STAU1: variants seen among roughly 807,000 people sequenced by gnomAD.
STAU1 encodes the protein staufen double-stranded RNA binding protein 1.
A neutral mutation model predicts 62.9 loss-of-function variants in STAU1; 13 were observed. The observed-to-expected ratio is 0.21, with a 90% CI of 0.13 to 0.33. The LOEUF is 0.33. STAU1 is among the 10% of genes least tolerant of loss of function. STAU1 has a pLI of 1.00. For missense variants in STAU1, 571 were observed against 712.1 expected (o/e 0.80, Z 2.25); for synonymous variants, 269 against 265.1 (o/e 1.01, Z -0.14).
intron 5 of STAU1, among the ~76,000 whole-genome samples, chr20:49,149,251 AACACACACACACACAC>A (rs34854738): frequency 5.3e-5 from 7 of 132,030 alleles, no homozygotes; most frequent in Middle Eastern, 3.7e-3. Flanking sequence ...ACTGTCTCAA[AACACACACACACACAC>A]ACACACACAC....
At chr20:49,126,588 C>CAAAAAAAAAAACAAAAAAAAAACAA in intron 6 of STAU1, among the ~76,000 whole-genome samples, 113 of 56,246 alleles carry the variant, frequency 2.0e-3, no homozygotes, top group African/African-American at 5.2e-3. Flanking sequence ...AAAAAAAAAA[C>CAAAAAAAAAAACAAAAAAAAAACAA]AAAAAAAAAA....
Position 49,117,874 on chromosome 20 carries a change from A to G in STAU1, c.1412T>C (p.Ile471Thr). 6.2e-7 allele frequency: 1 copy of G among 1,614,172 alleles called. No homozygotes were observed. Among genetic ancestry groups the G allele is most frequent in the Non-Finnish European group, 8.5e-7 (1 of 1,180,032 alleles). ...GCCTGAAGAGATGTTATTCTTTAAA[A>G]TGGTCTCGGCTGTGGGCGAGGTGCC... ...YGGTSPTAET[I>T]LKNNISSGHV... is the part of the protein sequence containing the mutation. The change falls in exon 11 of 14, where the codon ATT becomes ACT. Residue 471 changes from isoleucine to threonine, a missense_variant. By Grantham distance (89) the Ile-to-Thr change is moderately conservative (BLOSUM62 -1). Around this residue, in one of 3 missense-constraint regions of STAU1, gnomAD observed 156 missense variants for 194.7 expected, o/e 0.80. Transcript: ENST00000371856. The surrounding 1 kb of genome is among the most constrained non-coding windows in gnomAD (Gnocchi z 4.6).
At chr20:49,186,716 C>T (rs980236278) in intron 1 of STAU1, among the ~76,000 whole-genome samples, 2 of 152,064 alleles carry the variant, frequency 1.3e-5, no homozygotes, top group Non-Finnish European at 2.9e-5. Context: ...CCTCTACACT[C>T]CAACTGTATT....
At chr20:49,197,638 G>A in the STAU1 span, among the ~76,000 whole-genome samples, 2 of 151,978 alleles carry the variant, frequency 1.3e-5, no homozygotes, top group South Asian at 2.1e-4. Flanking sequence ...CCGACCTCAC[G>A]TGATCCAACC....
At chr20:49,133,931 G>A (rs1001975090) in intron 6 of STAU1, among the ~76,000 whole-genome samples, 5 of 152,214 alleles carry the variant, frequency 3.3e-5, no homozygotes, top group Non-Finnish European at 7.3e-5. Flanking sequence ...GAGCACTGAA[G>A]CTGGGTTAAG....
chr20:49,171,987 T>C (rs537947765), intron 2 of STAU1, among the ~76,000 whole-genome samples: 2 of 150,222 alleles, frequency 1.3e-5, no homozygotes, highest in African/African-American at 2.4e-5. Flanking sequence ...AGATTAGCCC[T>C]GAGGAGGCAC....
chr20:49,118,700 T>C (rs1219524661), intron 9 of STAU1, among the ~76,000 whole-genome samples: 1 of 152,158 alleles, frequency 6.6e-6, no homozygotes, highest in Non-Finnish European at 1.5e-5. Flanking sequence ...ACGGGAAGCA[T>C]TTAACCAGAA....
chr20:49,155,042 C>T (rs1238499451), intron 3 of STAU1, among the ~76,000 whole-genome samples: 2 of 151,728 alleles, frequency 1.3e-5, no homozygotes, highest in African/African-American at 2.4e-5. Flanking sequence ...GTCGAGATTG[C>T]GTCACTGTAC....
chr20:49,136,137 A>C (rs2092877414), intron 5 of STAU1, among the ~76,000 whole-genome samples: 1 of 151,962 alleles, frequency 6.6e-6, no homozygotes, highest in Non-Finnish European at 1.5e-5. Context: ...AACAAAAACA[A>C]AAAAACAAAA....
the STAU1 span, among the ~76,000 whole-genome samples, chr20:49,206,746 TATA>T: frequency 5.5e-4 from 64 of 116,796 alleles, no homozygotes; most frequent in African/African-American, 2.0e-3. Context: ...TATATATATA[TATA>T]TATTTTATTT....
At chr20:49,145,740 A>AG (rs1317976334) in intron 5 of STAU1, among the ~76,000 whole-genome samples, 1 of 151,836 alleles carries the variant, frequency 6.6e-6, no homozygotes, top group Non-Finnish European at 1.5e-5. Flanking sequence ...AAAAAAAAAA[A>AG]GAAAAGAAAA....
At chr20:49,185,482 A>C (rs2093775810) in intron 1 of STAU1, among the ~76,000 whole-genome samples, 1 of 152,230 alleles carries the variant, frequency 6.6e-6, no homozygotes, top group South Asian at 2.1e-4. Context: ...AATCATGTAT[A>C]AACAGAGAAG....
At chr20:49,115,642 C>G in intron 13 of STAU1, 140 bp downstream of exon 13, 1 of 744,028 alleles carries the variant, frequency 1.3e-6, no homozygotes, top group Admixed American at 2.1e-5. Context: ...CCCAGAGAAT[C>G]TGGAAAACTT....
In STAU1 at chr20:49,118,134, C is replaced by T. The variant is rs750800366; in HGVS notation, c.1190-38G>A. ...TACACGGTAAACACGAATCCACATC[C>T]ACAGCCTGGAAAAACGCAATGACAC... On this transcript the variant is annotated intron_variant, in intron 10 of 13. Transcript: ENST00000371856. 6 of 1,592,568 alleles carry T rather than the reference C, an allele frequency of 3.8e-6. No homozygotes were observed. The Admixed American group carries it at 1.0e-4, about 27-fold the overall frequency.
At position 49,140,017 on chromosome 20, in the gene STAU1, C is replaced by G. The variant is rs150033464; in HGVS notation, c.511-4086G>C. Among the ~76,000 whole-genome samples, 432 of 152,054 alleles carry G rather than the reference C, an allele frequency of 2.8e-3. 2 individuals carry two copies. The highest frequency in any genetic ancestry group is 0.01 in the Middle Eastern group (3 of 294). ...CCTGGCCAACATGGTGAAACACCAT[C>G]TCTACTAAAAATACAAAAATTAGCT... On this transcript the variant is annotated intron_variant, in intron 5 of 13. Coordinates refer to ENST00000371856, the MANE Select transcript of STAU1 (RefSeq NM_017453.4).
chr20:49,176,077 A>G (rs1043395528), intron 1 of STAU1, among the ~76,000 whole-genome samples: 6 of 152,214 alleles, frequency 3.9e-5, no homozygotes, highest in African/African-American at 9.6e-5. Context: ...TACAGGCGTG[A>G]GCCACCGCGC....
intron 5 of STAU1, among the ~76,000 whole-genome samples, chr20:49,145,816 C>T (rs2093119315): frequency 6.6e-6 from 1 of 151,820 alleles, no homozygotes; most frequent in Admixed American, 6.6e-5. Flanking sequence ...CACTTGAATC[C>T]AGGACTTCAA....
chr20:49,173,844 G>A (rs2093627159), intron 2 of STAU1, among the ~76,000 whole-genome samples: 1 of 152,156 alleles, frequency 6.6e-6, no homozygotes, highest in African/African-American at 2.4e-5. Flanking sequence ...TGAAAATCAT[G>A]TTTAACATAA....
At position 49,137,477 on chromosome 20, in the gene STAU1, CA is replaced by C. The variant is rs143911886; in HGVS notation, c.511-1547del. 3.6e-3 allele frequency among the ~76,000 whole-genome samples: 548 copies of C among 152,194 alleles called. 3 individuals carry two copies. The highest frequency in any genetic ancestry group is 0.013 in the African/African-American group (530 of 41,536). Reference sequence around the variant, plus strand: ...GCTTATCTAGCAAAGTCCCCCAAAACAAAAAGAGCTGTTTTTCTTCACATTA... The same window carrying C: ...GCTTATCTAGCAAAGTCCCCCAAAACAAAAGAGCTGTTTTTCTTCACATTA... On this transcript the variant is annotated intron_variant, in intron 5 of 13. Transcript: ENST00000371856.
Sources: allele counts gnomAD v4.1 joint callset (sites outside exome capture counted in the v4.1 genomes callset), GRCh38; gene constraint gnomAD v4.1.1; regional missense constraint gnomAD v4.1.1; non-coding constraint Gnocchi (gnomAD v3.1); transcripts MANE v1.5; gene names NCBI Gene and HGNC (gene_info 2026-07-23, HGNC 2026-07-21).